The following TSC1 variants were observed in gnomAD, a reference collection of about 807,000 sequenced individuals.
TSC1 encodes the protein hamartin.
Under a neutral mutation model 124.3 loss-of-function variants are expected in TSC1, and 20 were observed. The ratio of observed to expected loss-of-function variants is 0.16; its 90% confidence interval spans 0.11 to 0.23. The LOEUF (loss-of-function observed/expected upper bound fraction) is 0.23. Ranked by LOEUF, TSC1 falls within the 10% of genes least tolerant of loss-of-function variation. The pLI, the probability that TSC1 is intolerant of heterozygous loss-of-function variation, is 1.00. For missense variants in TSC1, 1,124 were observed against 1,448.5 expected (o/e 0.78, Z 3.64); for synonymous variants, 493 against 539.1 (o/e 0.91, Z 1.19).
In TSC1 at chr9:132,905,760, A is replaced by G. The variant is rs758769193; in HGVS notation, c.1818T>C (p.His606=). 1 of 1,614,114 alleles carries G rather than the reference A, an allele frequency of 6.2e-7. No homozygotes were observed. The highest frequency in any genetic ancestry group is 1.3e-5 in the African/African-American group (1 of 74,942). ...FGSGQPPPYD[H]LFEVALPKTA... is the part of the protein sequence containing the mutation. ...TCTTTGGCAATGCCACCTCAAAAAG[A>G]TGATCATACGGGGGAGGCTGCCCGC... is the stretch of plus-strand genomic sequence containing the variant. The change falls in exon 15 of 23, where the codon CAT becomes CAC. Residue 606 remains histidine, a synonymous_variant. Transcript: ENST00000298552.
intron 15 of TSC1, among the ~76,000 whole-genome samples, chr9:132,905,023 T>C (rs962994739): frequency 1.3e-5 from 2 of 152,188 alleles, no homozygotes; most frequent in Admixed American, 1.3e-4. Flanking sequence ...ACCTGTAAAG[T>C]AGCTAATAAA....
chr9:132,931,310 G>A (rs2132331657), intron 2 of TSC1: 1 of 152,284 alleles, frequency 6.6e-6, no homozygotes, highest in South Asian at 2.1e-4. Context: ...AGAGCCCGGA[G>A]TGACATGAGC....
chr9:132,903,568 C>G lies in TSC1; in HGVS notation c.2208+83G>C. On this transcript the variant is annotated intron_variant, in intron 17 of 22. Transcript: ENST00000298552. The surrounding 1 kb of genome is among the most constrained non-coding windows in gnomAD (Gnocchi z 5.9). Reference sequence around the variant, plus strand: ...GAAGGACTGGGAACTCTGACCTCCTCGGCTGCTGTGCTTTATAAGCTATCA... The same window carrying G: ...GAAGGACTGGGAACTCTGACCTCCTGGGCTGCTGTGCTTTATAAGCTATCA... The G allele has an allele frequency of 1.2e-6, 2 of 1,604,388 alleles. No homozygotes were observed. Among genetic ancestry groups the G allele is most frequent in the African/African-American group, 1.3e-5 (1 of 74,832 alleles).
chr9:132,939,248 T>C (rs1371263574), intron 1 of TSC1: 3 of 152,172 alleles, frequency 2.0e-5, no homozygotes, highest in Non-Finnish European at 4.4e-5. Context: ...GGTAAGATAC[T>C]TGCTCCCATT....
At chr9:132,927,048 A>G in intron 4 of TSC1, 153 bp downstream of exon 4, 2 of 743,460 alleles carry the variant, frequency 2.7e-6, no homozygotes, top group Non-Finnish European at 4.6e-6. Context: ...CTACAAAGTA[A>G]TTTTTATATG....
Position 132,906,831 on chromosome 9 carries a change from C to G in TSC1, c.1338G>C (p.Glu446Asp), listed in dbSNP as rs1410493156. The change falls in exon 14 of 23, where the codon GAG becomes GAC. Residue 446 changes from glutamate (E) to aspartate (D), a missense_variant. Glu to Asp is a conservative substitution (Grantham distance 45). Transcript: ENST00000298552. This position sits in a 1 kb window ranked among gnomAD's most constrained non-coding sequence, Gnocchi z 4.1. ...TGACAGAACCTTTGCTGCCAGGTGG[C>G]TCTTCTGAAGAGAAACAAAGACAAC... ...HHLLNDRGSE[E>D]PPGSKGSVTL... The G allele has an allele frequency of 3.1e-6, 5 of 1,614,010 alleles. No individual in the cohort carries two copies. In the South Asian group the frequency reaches 5.5e-5, roughly 18 times the overall value.
chr9:132,911,015 G>C lies in TSC1; in HGVS notation c.1128C>G (p.Val376=), dbSNP rs1419093686. The C allele has an allele frequency of 1.9e-6, 3 of 1,614,092 alleles. No individual in the cohort carries two copies. Among genetic ancestry groups the C allele is most frequent in the Non-Finnish European group, 1.7e-6 (2 of 1,179,944 alleles). Residue 376 remains valine, a synonymous_variant, in exon 11 of 23, where the codon GTC becomes GTG. Transcript: ENST00000298552. ...AGACATACATACCAGTTGTACCAAAGACTTTACTGTAAGGGTGTGACAGAT... is the reference window on the plus strand; with the variant it reads ...AGACATACATACCAGTTGTACCAAACACTTTACTGTAAGGGTGTGACAGAT... The part of the protein sequence containing the change: ...PPDLSHPYSK[V]FGTTAGGKGT...
intron 6 of TSC1, among the ~76,000 whole-genome samples, chr9:132,922,420 T>G (rs1166800216): frequency 6.6e-6 from 1 of 152,238 alleles, no homozygotes; most frequent in East Asian, 1.9e-4. Context: ...GGACCTGATA[T>G]TTAACAAGCA....
At position 132,927,301 on chromosome 9, in the gene TSC1, C is replaced by A; in HGVS notation, c.110G>T (p.Arg37Leu). 1.2e-6 allele frequency: 2 copies of A among 1,613,374 alleles called. No homozygotes were observed. ...AVFKENLNSD[R>L]GPMLVNTLVD... The stretch of plus-strand genomic sequence containing the variant: ...CAAGGTGTTTACAAGCATAGGGCCA[C>A]GGTCTAAATCAAGAAAAGGGCAATG... Residue 37 changes from arginine (R) to leucine (L), a missense_variant, in exon 4 of 23, where the codon CGT becomes CTT. Coordinates refer to ENST00000298552, the MANE Select transcript of TSC1 (RefSeq NM_000368.5).
chr9:132,913,456 A>G (rs868060768), intron 8 of TSC1, among the ~76,000 whole-genome samples: 1 of 152,158 alleles, frequency 6.6e-6, no homozygotes. Context: ...AATAATAGTT[A>G]TTCTATAGAA....
Position 132,901,712 on chromosome 9 carries a change from A to T in TSC1, c.2392-13T>A, listed in dbSNP as rs779536336. Reference sequence around the variant, plus strand: ...CCTCCAGCTTCGTCTGCCCAAAGAGACGTGGACATGAAGTTTGAGGAACAC... The same window carrying T: ...CCTCCAGCTTCGTCTGCCCAAAGAGTCGTGGACATGAAGTTTGAGGAACAC... On this transcript the variant is annotated splice_polypyrimidine_tract_variant and intron_variant, in intron 18 of 22. Coordinates refer to ENST00000298552, the MANE Select transcript of TSC1 (RefSeq NM_000368.5). 2 of 1,613,184 alleles carry T rather than the reference A, an allele frequency of 1.2e-6. No individual in the cohort carries two copies. The highest frequency in any genetic ancestry group is 1.7e-6 in the Non-Finnish European group (2 of 1,179,716).
chr9:132,893,401 CTG>C lies in TSC1; in HGVS notation c.*2832_*2833del. 4.3e-6 allele frequency: 1 copy of C among 233,222 alleles called. No individual in the cohort carries two copies. Among genetic ancestry groups the C allele is most frequent in the Non-Finnish European group, 8.5e-6 (1 of 118,046 alleles). 14.4% of individuals were successfully genotyped at this position (233,222 alleles called of 1,614,324 possible). Reference sequence around the variant, plus strand: ...ATCCCATAATAACAATTTTTATAGACTGTATAGCAGAGCCTTGTCAACGGCTT... The same window carrying C: ...ATCCCATAATAACAATTTTTATAGACTATAGCAGAGCCTTGTCAACGGCTT... On this transcript the variant is annotated 3_prime_UTR_variant, in exon 23 of 23. Transcript: ENST00000298552.
At chr9:132,918,043 A>G (rs1443087194) in intron 8 of TSC1, among the ~76,000 whole-genome samples, 4 of 152,216 alleles carry the variant, frequency 2.6e-5, no homozygotes, top group Non-Finnish European at 5.9e-5. Context: ...GAGGCTCTCT[A>G]TAAGCTGACT....
At position 132,907,306 on chromosome 9, in the gene TSC1, C is replaced by A. The variant is rs1489175329; in HGVS notation, c.1328G>T (p.Gly443Val). The A allele has an allele frequency of 8.7e-6, 14 of 1,613,808 alleles. No individual in the cohort carries two copies. Among genetic ancestry groups the A allele is most frequent in the Non-Finnish European group, 1.2e-5 (14 of 1,179,836 alleles). ...HRQHHLLNDR[G>V]SEEPPGSKGS... ...TAGTAACGCAGAAATTTTACCTGATCCTCTGTCATTCAGAAGATGGTGTTG... is the reference window on the plus strand; with the variant it reads ...TAGTAACGCAGAAATTTTACCTGATACTCTGTCATTCAGAAGATGGTGTTG... The change falls in exon 13 of 23, where the codon GGA becomes GTA. Residue 443 changes from glycine (G) to valine (V), a missense_variant. Gly to Val is a moderately radical substitution (Grantham distance 109). This residue lies in a region of TSC1 where 463 missense variants were observed against 606.8 expected (regional missense o/e 0.76). Coordinates refer to ENST00000298552, the MANE Select transcript of TSC1 (RefSeq NM_000368.5).
chr9:132,904,210 C>T (rs1037588087), intron 16 of TSC1, among the ~76,000 whole-genome samples: 3 of 152,122 alleles, frequency 2.0e-5, no homozygotes, highest in Non-Finnish European at 4.4e-5. Flanking sequence ...TACTCTCAAG[C>T]GCATAGTACT....
At chr9:132,944,393 G>A (rs1326877348) in intron 1 of TSC1, 150 bp downstream of exon 1, 1 of 392,828 alleles carries the variant, frequency 2.5e-6, no homozygotes, top group Non-Finnish European at 4.5e-6. Flanking sequence ...AGGGAGGGGA[G>A]AGCTCTCCGA....
chr9:132,916,659 T>C (rs1405977062), intron 8 of TSC1, among the ~76,000 whole-genome samples: 1 of 152,254 alleles, frequency 6.6e-6, no homozygotes, highest in African/African-American at 2.4e-5. Context: ...TGTGTGTCTA[T>C]TGCTAATTTT....
chr9:132,901,496 A>C, intron 19 of TSC1, 93 bp downstream of exon 19: 3 of 1,174,546 alleles, frequency 2.6e-6, no homozygotes, highest in Non-Finnish European at 3.8e-6. Context: ...CATGACACAG[A>C]CACTCAAGTA....
chr9:132,932,288 C>T (rs1256790275), intron 2 of TSC1, among the ~76,000 whole-genome samples: 1 of 152,178 alleles, frequency 6.6e-6, no homozygotes, highest in Non-Finnish European at 1.5e-5. Flanking sequence ...CAGTAAAAGG[C>T]ACTACCATCA....
Sources: gnomAD v4.1 joint callset for allele counts (sites outside exome capture counted in the v4.1 genomes callset) on GRCh38, gnomAD v4.1.1 for gene constraint, gnomAD v4.1.1 regional missense constraint, Gnocchi (gnomAD v3.1) non-coding constraint, MANE v1.5 for transcripts, NCBI Gene and HGNC (gene_info 2026-07-23, HGNC 2026-07-21) for gene names.